SPATA6: variants seen among roughly 807,000 people sequenced by gnomAD.
SPATA6 encodes spermatogenesis-associated protein 6.
A neutral mutation model predicts 65.3 loss-of-function variants in SPATA6; 56 were observed. The ratio of observed to expected loss-of-function variants is 0.86; its 90% CI spans 0.69 to 1.07. The LOEUF is 1.07. Among genes scored for constraint, SPATA6 ranks in the 50% least tolerant of loss-of-function variants. The pLI is 0.00. For missense variants in SPATA6, 590 were observed against 594.8 expected (o/e 0.99, Z 0.08); for synonymous variants, 199 against 213.2 (o/e 0.93, Z 0.58).
At chr1:48,381,640 T>C (rs561788121) in intron 9 of SPATA6, among the ~76,000 whole-genome samples, 28 of 123,260 alleles carry the variant, frequency 2.3e-4, no homozygotes, top group Non-Finnish European at 4.0e-4. Flanking sequence ...AGAAAAGCTA[T>C]GGTTTTTCTT....
intron 11 of SPATA6, among the ~76,000 whole-genome samples, chr1:48,345,110 A>G (rs1010135814): frequency 6.6e-6 from 1 of 152,130 alleles, no homozygotes; most frequent in Non-Finnish European, 1.5e-5. Flanking sequence ...AAAATTCATC[A>G]CATAATCAGA....
chr1:48,372,263 C>T (rs1557631248), intron 9 of SPATA6, among the ~76,000 whole-genome samples: 1 of 152,100 alleles, frequency 6.6e-6, no homozygotes. Flanking sequence ...AATGGGGGTA[C>T]AGGTATTGGG....
chr1:48,456,975 A>G (rs1226707031), intron 1 of SPATA6, among the ~76,000 whole-genome samples: 1 of 152,206 alleles, frequency 6.6e-6, no homozygotes, highest in Non-Finnish European at 1.5e-5. Context: ...AACCAATAAA[A>G]GAATCCAACA....
intron 9 of SPATA6, among the ~76,000 whole-genome samples, chr1:48,360,676 T>C (rs1646786644): frequency 6.6e-6 from 1 of 152,194 alleles, no homozygotes; most frequent in African/African-American, 2.4e-5. Context: ...GTCCTGACTT[T>C]TTCCTTCTAT....
In SPATA6 at chr1:48,296,654, T is replaced by C. The variant is rs552600856; in HGVS notation, c.*2059A>G. On this transcript the variant is annotated 3_prime_UTR_variant, in exon 13 of 13. Transcript: ENST00000371847. ...TGGAAAAACACTGAGGATATAATTT[T>C]TTTAAAAGAGCATTATTCAATGTTG... is the stretch of plus-strand genomic sequence containing the variant. 30 of 152,290 alleles carry C rather than the reference T, an allele frequency of 2.0e-4. No homozygotes were observed. The highest frequency in any genetic ancestry group is 4.0e-4 in the Non-Finnish European group (27 of 68,016). 9.4% of individuals were successfully genotyped at this position (152,290 alleles called of 1,614,324 possible).
chr1:48,304,925 A>G (rs76988605), intron 12 of SPATA6, among the ~76,000 whole-genome samples: 2 of 152,278 alleles, frequency 1.3e-5, no homozygotes, highest in East Asian at 3.9e-4. Flanking sequence ...CAGGGTGTGT[A>G]CCTCTGAATC....
At chr1:48,429,641 T>C (rs1654217864) in intron 3 of SPATA6, among the ~76,000 whole-genome samples, 1 of 151,870 alleles carries the variant, frequency 6.6e-6, no homozygotes, top group Non-Finnish European at 1.5e-5. Context: ...AGAAAATAAA[T>C]CGGCAGAAAC....
intron 11 of SPATA6, among the ~76,000 whole-genome samples, chr1:48,320,729 C>T (rs116371535): frequency 0.025 from 3,828 of 152,230 alleles, 129 homozygotes; most frequent in Admixed American, 0.092. Context: ...TATTATAACA[C>T]TAACTGTGGC....
intron 1 of SPATA6, among the ~76,000 whole-genome samples, chr1:48,464,797 A>G (rs1657694091): frequency 1.3e-5 from 2 of 152,174 alleles, no homozygotes; most frequent in African/African-American, 4.8e-5. Flanking sequence ...AGACAGCCCA[A>G]TGGAGCAATC....
chr1:48,372,159 A>G (rs1274595984), intron 9 of SPATA6, among the ~76,000 whole-genome samples: 1 of 152,108 alleles, frequency 6.6e-6, no homozygotes, highest in African/African-American at 2.4e-5. Flanking sequence ...ATTAACCCAA[A>G]AGTCCACAGT....
At chr1:48,421,587 A>C (rs1226851930) in intron 3 of SPATA6, among the ~76,000 whole-genome samples, 2 of 152,172 alleles carry the variant, frequency 1.3e-5, no homozygotes, top group Non-Finnish European at 2.9e-5. Context: ...TTAAGACATA[A>C]TATGAAAGTA....
chr1:48,389,387 T>C (rs1649819805), intron 8 of SPATA6, among the ~76,000 whole-genome samples: 1 of 152,112 alleles, frequency 6.6e-6, no homozygotes, highest in African/African-American at 2.4e-5. Context: ...AACAAAAATT[T>C]CTGAAGTCTA....
intron 3 of SPATA6, among the ~76,000 whole-genome samples, chr1:48,438,429 C>A (rs775818737): frequency 5.9e-5 from 9 of 152,186 alleles, no homozygotes; most frequent in Non-Finnish European, 1.3e-4. Context: ...AGTTGTCAGG[C>A]TTTCTGGGAA....
the SPATA6 span, among the ~76,000 whole-genome samples, chr1:48,275,593 A>G: frequency 6.6e-6 from 1 of 152,216 alleles, no homozygotes. Flanking sequence ...ATCTATTGAG[A>G]TAATCACGTG....
chr1:48,389,609 T>C (rs1160508556), intron 8 of SPATA6, among the ~76,000 whole-genome samples: 2 of 151,992 alleles, frequency 1.3e-5, no homozygotes, highest in Non-Finnish European at 2.9e-5. Flanking sequence ...AGACCAGGAA[T>C]GGGATGATAA....
intron 3 of SPATA6, among the ~76,000 whole-genome samples, chr1:48,450,910 A>G (rs1656507732): frequency 6.6e-6 from 1 of 152,176 alleles, no homozygotes; most frequent in Admixed American, 6.5e-5. Context: ...CAATCTGTTG[A>G]TCCCAGAGCC....
At chr1:48,281,497 A>C in the SPATA6 span, among the ~76,000 whole-genome samples, 1 of 152,260 alleles carries the variant, frequency 6.6e-6, no homozygotes, top group Non-Finnish European at 1.5e-5. Context: ...CTCAGGATAC[A>C]AAATCAATGT....
At chr1:48,428,446 TC>T (rs1320252988) in intron 3 of SPATA6, among the ~76,000 whole-genome samples, 2 of 152,112 alleles carry the variant, frequency 1.3e-5, no homozygotes, top group Non-Finnish European at 2.9e-5. Flanking sequence ...AGAGCGAAAC[TC>T]CGTCTCTAAT....
At position 48,472,202 on chromosome 1, in the gene SPATA6, C is replaced by T; in HGVS notation, c.-194G>A. ...TGAGCGCGGGGCGCAGACTCGTTGT[C>T]ATGGCAGCCAGGAGGGGCGGGGCCG... On this transcript the variant is annotated 5_prime_UTR_variant, in exon 1 of 13. It removes an upstream start codon present in the reference 5' UTR. Coordinates refer to ENST00000371847, the MANE Select transcript of SPATA6 (RefSeq NM_019073.4). 1.9e-6 allele frequency: 1 copy of T among 514,488 alleles called. No homozygotes were observed. Among genetic ancestry groups the T allele is most frequent in the East Asian group, 3.5e-5 (1 of 28,280 alleles). The allele number at this position is 514,488 out of a possible 1,614,324, so 31.9% of individuals were successfully genotyped here. A position where few individuals can be genotyped will look rare whatever the true frequency, so the allele number is the denominator to read the frequency against.
Sources: allele counts gnomAD v4.1 joint callset (sites outside exome capture counted in the v4.1 genomes callset), GRCh38; gene constraint gnomAD v4.1.1; transcripts MANE v1.5; gene names NCBI Gene and HGNC (gene_info 2026-07-23, HGNC 2026-07-21).